Variants in NTNG1 observed in about 807,000 individuals in gnomAD.
NTNG1 encodes the protein netrin-G1.
In NTNG1, 16 loss-of-function variants were observed where a neutral mutation model predicts 54.0. The ratio of observed to expected loss-of-function variants is 0.30; its 90% CI spans 0.20 to 0.45. NTNG1 has a LOEUF of 0.45. Among genes scored for constraint, NTNG1 ranks in the 20% least tolerant of loss-of-function variants. The pLI, the probability that NTNG1 is intolerant of heterozygous loss-of-function variation, is 1.00. For missense variants in NTNG1, 530 were observed against 678.7 expected, an observed-to-expected ratio of 0.78 and a Z score of 2.43; for synonymous variants, 255 against 263.1, an observed-to-expected ratio of 0.97 and a Z score of 0.30.
At chr1:107,274,348 G>A (rs914019103) in intron 2 of NTNG1, among the ~76,000 whole-genome samples, 1 of 152,188 alleles carries the variant, frequency 6.6e-6, no homozygotes, top group Non-Finnish European at 1.5e-5. Flanking sequence ...AAGATTTGGT[G>A]GAGTCAGTAG....
chr1:107,412,597 A>G (rs115919889), intron 5 of NTNG1, among the ~76,000 whole-genome samples: 74 of 152,262 alleles, frequency 4.9e-4, no homozygotes, highest in Non-Finnish European at 9.8e-4. Flanking sequence ...GTTGATCCCT[A>G]ATTGACCCAT....
chr1:107,446,164 C>G (rs1242794299), intron 7 of NTNG1, among the ~76,000 whole-genome samples: 4 of 152,074 alleles, frequency 2.6e-5, no homozygotes, highest in Non-Finnish European at 4.4e-5. Flanking sequence ...GTTGAACTAA[C>G]TGGTTCTTAT....
chr1:107,471,567 T>G (rs1677982503), intron 7 of NTNG1, among the ~76,000 whole-genome samples: 1 of 152,188 alleles, frequency 6.6e-6, no homozygotes, highest in South Asian at 2.1e-4. Flanking sequence ...GTGCTCTGAT[T>G]GATACAGGAG....
chr1:107,248,032 G>A (rs1011362904), intron 2 of NTNG1, among the ~76,000 whole-genome samples: 39 of 152,168 alleles, frequency 2.6e-4, no homozygotes, highest in African/African-American at 8.9e-4. Context: ...CCCTTGCCAC[G>A]GTAGTAGACT....
intron 2 of NTNG1, among the ~76,000 whole-genome samples, chr1:107,314,226 A>C (rs1225849003): frequency 6.6e-6 from 1 of 151,834 alleles, no homozygotes; most frequent in East Asian, 1.9e-4. Flanking sequence ...AACATAGTGA[A>C]ACCCCGTCTC....
rs115467199 is a variant in NTNG1 at position 107,480,015 on chromosome 1, A to G, written c.1391-596A>G. On this transcript the variant is annotated intron_variant, in intron 7 of 7. Transcript: ENST00000370068. ...TTTCCTCACACTCCTCCCATGAAACAAGCTTTCTCTCTTCCCATCTGGCTG... is the reference window on the plus strand; with the variant it reads ...TTTCCTCACACTCCTCCCATGAAACGAGCTTTCTCTCTTCCCATCTGGCTG... Among the ~76,000 whole-genome samples, 635 of 152,116 alleles carry G rather than the reference A, an allele frequency of 4.2e-3. 4 individuals are homozygous for G. Among genetic ancestry groups the G allele is most frequent in the African/African-American group, 0.014 (599 of 41,498 alleles).
At chr1:107,341,336 C>A (rs1312028145) in intron 3 of NTNG1, among the ~76,000 whole-genome samples, 3 of 151,934 alleles carry the variant, frequency 2.0e-5, no homozygotes, top group African/African-American at 7.2e-5. Flanking sequence ...ACTTATCTGT[C>A]TTAATTGTTT....
At chr1:107,227,869 G>A (rs1570906758) in intron 2 of NTNG1, among the ~76,000 whole-genome samples, 1 of 152,250 alleles carries the variant, frequency 6.6e-6, no homozygotes, top group South Asian at 2.1e-4. Context: ...ACGTCATTGT[G>A]AAATGATGTT....
At chr1:107,211,064 A>G (rs1257575868) in intron 2 of NTNG1, among the ~76,000 whole-genome samples, 2 of 152,156 alleles carry the variant, frequency 1.3e-5, no homozygotes, top group African/African-American at 4.8e-5. Context: ...AATCAGTCAT[A>G]CATATTCTCT....
At chr1:107,312,687 A>G (rs1330938666) in intron 2 of NTNG1, among the ~76,000 whole-genome samples, 1 of 152,182 alleles carries the variant, frequency 6.6e-6, no homozygotes, top group South Asian at 2.1e-4. Flanking sequence ...GAACCAGTTT[A>G]TTCAAACAGA....
chr1:107,337,284 A>C (rs1278254043), intron 3 of NTNG1, among the ~76,000 whole-genome samples: 1 of 152,046 alleles, frequency 6.6e-6, no homozygotes, highest in Non-Finnish European at 1.5e-5. Flanking sequence ...AGCCACAAAA[A>C]GGAAAGAAAT....
chr1:107,367,341 C>G (rs1306838580), intron 3 of NTNG1, among the ~76,000 whole-genome samples: 2 of 152,072 alleles, frequency 1.3e-5, no homozygotes, highest in Non-Finnish European at 2.9e-5. Context: ...ATTTGAAACT[C>G]CTCGATGAAG....
chr1:107,376,900 A>G (rs768505254), intron 3 of NTNG1, among the ~76,000 whole-genome samples: 2 of 152,124 alleles, frequency 1.3e-5, no homozygotes, highest in Non-Finnish European at 2.9e-5. Flanking sequence ...TATCTGAATA[A>G]CGCCTCTTCT....
At chr1:107,469,908 C>T (rs1677870228) in intron 7 of NTNG1, among the ~76,000 whole-genome samples, 1 of 152,038 alleles carries the variant, frequency 6.6e-6, no homozygotes, top group Admixed American at 6.6e-5. Flanking sequence ...ACTTTGATCC[C>T]CTCTACTAGA....
At chr1:107,334,547 G>T (rs1668468553) in intron 3 of NTNG1, among the ~76,000 whole-genome samples, 1 of 151,574 alleles carries the variant, frequency 6.6e-6, no homozygotes, top group Admixed American at 6.6e-5. Context: ...CTCCAGTATT[G>T]GATTTGTATA....
At chr1:107,333,644 T>C (rs921617589) in intron 3 of NTNG1, among the ~76,000 whole-genome samples, 2 of 151,868 alleles carry the variant, frequency 1.3e-5, no homozygotes, top group African/African-American at 2.4e-5. Flanking sequence ...ATCGTGTGTG[T>C]GTGCATGTGT....
At chr1:107,351,190 C>A (rs1019255144) in intron 3 of NTNG1, among the ~76,000 whole-genome samples, 1 of 152,176 alleles carries the variant, frequency 6.6e-6, no homozygotes, top group Admixed American at 6.5e-5. Context: ...GCTACTCTTT[C>A]TTAGCTTCTT....
At chr1:107,467,447 A>C (rs944291191) in intron 7 of NTNG1, among the ~76,000 whole-genome samples, 3 of 152,228 alleles carry the variant, frequency 2.0e-5, no homozygotes, top group Non-Finnish European at 2.9e-5. Context: ...AGTGCCTGGC[A>C]CTTACAAAGC....
chr1:107,267,194 A>G (rs1397513399), intron 2 of NTNG1, among the ~76,000 whole-genome samples: 3 of 152,200 alleles, frequency 2.0e-5, no homozygotes, highest in Admixed American at 6.5e-5. Context: ...ACCCACCTAT[A>G]TGGTTGTTAT....
Sources: allele counts gnomAD v4.1 joint callset (sites outside exome capture counted in the v4.1 genomes callset), GRCh38; gene constraint gnomAD v4.1.1; transcripts MANE v1.5; gene names NCBI Gene and HGNC (gene_info 2026-07-23, HGNC 2026-07-21).